The following SLC44A5 variants were observed in gnomAD, a reference collection of about 807,000 sequenced individuals.
The protein encoded by SLC44A5 is choline transporter-like protein 5.
A neutral mutation model predicts 101.8 loss-of-function variants in SLC44A5; 57 were observed. The observed-to-expected ratio is 0.56, with a 90% CI of 0.45 to 0.70. The LOEUF (loss-of-function observed/expected upper bound fraction) is 0.70, where lower values mean the gene tolerates loss of function less well. SLC44A5 is among the 30% of genes least tolerant of loss of function. SLC44A5 has a pLI of 0.00. For missense variants in SLC44A5, 737 were observed against 853.1 expected (o/e 0.86, Z 1.70); for synonymous variants, 281 against 290.9 (o/e 0.97, Z 0.35).
the SLC44A5 span, among the ~76,000 whole-genome samples, chr1:75,716,986 A>G: frequency 6.6e-6 from 1 of 152,050 alleles, no homozygotes; most frequent in Non-Finnish European, 1.5e-5. Flanking sequence ...GTGAGCCGAG[A>G]TCGCGCCACT....
At chr1:75,717,349 A>G in the SLC44A5 span, among the ~76,000 whole-genome samples, 1 of 151,878 alleles carries the variant, frequency 6.6e-6, no homozygotes, top group Non-Finnish European at 1.5e-5. Flanking sequence ...TCAAAAAAAA[A>G]AAAAAGGAAA....
At chr1:75,620,819 A>C in the SLC44A5 span, among the ~76,000 whole-genome samples, 1 of 152,148 alleles carries the variant, frequency 6.6e-6, no homozygotes, top group Non-Finnish European at 1.5e-5. Context: ...TGCTGTGCAG[A>C]AGCCCTTTAG....
intron 2 of SLC44A5, among the ~76,000 whole-genome samples, chr1:75,528,379 G>C (rs1670539323): frequency 6.6e-6 from 1 of 152,146 alleles, no homozygotes; most frequent in Admixed American, 6.6e-5. Flanking sequence ...AAAAAGGATG[G>C]TTTCTTAAAG....
chr1:75,678,542 G>A, the SLC44A5 span, among the ~76,000 whole-genome samples: 956 of 148,668 alleles, frequency 6.4e-3, 16 homozygotes, highest in Admixed American at 0.035. Context: ...CAGACCTGCA[G>A]CTGACGGTCC....
intron 2 of SLC44A5, among the ~76,000 whole-genome samples, chr1:75,476,379 G>C (rs1190417102): frequency 6.6e-6 from 1 of 152,156 alleles, no homozygotes; most frequent in Non-Finnish European, 1.5e-5. Context: ...CATCTCACTA[G>C]GGAGTGCCAG....
chr1:75,207,294 G>A (rs1175078541), intron 23 of SLC44A5, among the ~76,000 whole-genome samples: 1 of 152,048 alleles, frequency 6.6e-6, no homozygotes. Context: ...TTAACTATAA[G>A]GCACCCTGTC....
At chr1:75,306,787 T>C (rs1654942691) in intron 4 of SLC44A5, among the ~76,000 whole-genome samples, 1 of 129,450 alleles carries the variant, frequency 7.7e-6, no homozygotes, top group Admixed American at 9.8e-5. Flanking sequence ...CAGGCGGGAG[T>C]GCAGTGGAGC....
At chr1:75,710,555 C>A in the SLC44A5 span, 2 of 108,472 alleles carry the variant, frequency 1.8e-5, no homozygotes, top group African/African-American at 3.9e-5. Context: ...CAGAGAGAGA[C>A]CCTACCTAAA....
intron 6 of SLC44A5, among the ~76,000 whole-genome samples, chr1:75,258,183 G>C (rs1292736835): frequency 6.6e-6 from 1 of 152,028 alleles, no homozygotes. Flanking sequence ...GAATGCCAGT[G>C]AGACAGAACT....
At chr1:75,356,123 G>A (rs1475132934) in intron 3 of SLC44A5, among the ~76,000 whole-genome samples, 1 of 142,504 alleles carries the variant, frequency 7.0e-6, no homozygotes, top group Non-Finnish European at 1.5e-5. Flanking sequence ...TGAGGCATGA[G>A]AATTGCTTGA....
chr1:75,717,340 CAAAAAAA>C, the SLC44A5 span, among the ~76,000 whole-genome samples: 1 of 97,890 alleles, frequency 1.0e-5, no homozygotes, highest in African/African-American at 3.7e-5. Flanking sequence ...GACCCTGTCT[CAAAAAAA>C]AAAAAAAGGA....
upstream of SLC44A5, among the ~76,000 whole-genome samples, chr1:75,615,098 C>T (rs1021505643): frequency 6.6e-6 from 1 of 152,130 alleles, no homozygotes. Flanking sequence ...TCTTCCTTGT[C>T]CTCCCCGCCA....
intron 1 of SLC44A5, among the ~76,000 whole-genome samples, 171 bp downstream of exon 1, chr1:75,610,869 C>A (rs1341850902): frequency 2.0e-5 from 3 of 151,924 alleles, no homozygotes; most frequent in Non-Finnish European, 4.4e-5. Context: ...TATATACACA[C>A]ACACACACGG....
the SLC44A5 span, among the ~76,000 whole-genome samples, chr1:75,708,745 C>A: frequency 6.6e-6 from 1 of 152,016 alleles, no homozygotes. Context: ...AACCTTTCCT[C>A]CAGAAAAACC....
At chr1:75,304,395 T>C (rs1654753454) in intron 4 of SLC44A5, among the ~76,000 whole-genome samples, 3 of 152,156 alleles carry the variant, frequency 2.0e-5, no homozygotes, top group Admixed American at 2.0e-4. Context: ...TTTCCTCAGA[T>C]ATATTCTCTC....
chr1:75,466,379 G>A (rs540649628), intron 2 of SLC44A5, among the ~76,000 whole-genome samples: 105 of 152,092 alleles, frequency 6.9e-4, no homozygotes, highest in Admixed American at 1.4e-3. Flanking sequence ...CACACTGGCC[G>A]GGTGTGGTGG....
At chr1:75,385,723 T>C (rs369690751) in intron 3 of SLC44A5, among the ~76,000 whole-genome samples, 1 of 152,126 alleles carries the variant, frequency 6.6e-6, no homozygotes, top group African/African-American at 2.4e-5. Flanking sequence ...CCAGCATCAT[T>C]CTGATACCAA....
At chr1:75,479,456 C>G (rs1231874141) in intron 2 of SLC44A5, among the ~76,000 whole-genome samples, 2 of 152,046 alleles carry the variant, frequency 1.3e-5, no homozygotes, top group Non-Finnish European at 2.9e-5. Flanking sequence ...ATTAATGAAT[C>G]CAGGAGCTGG....
At chr1:75,238,096 T>C (rs1012948727) in intron 10 of SLC44A5, among the ~76,000 whole-genome samples, 8 of 151,994 alleles carry the variant, frequency 5.3e-5, no homozygotes, top group Admixed American at 1.3e-4. Flanking sequence ...CTTCTATACC[T>C]GTTGATAATG....
Sources: gnomAD v4.1 joint callset for allele counts (sites outside exome capture counted in the v4.1 genomes callset) on GRCh38, gnomAD v4.1.1 for gene constraint, MANE v1.5 for transcripts, NCBI Gene and HGNC (gene_info 2026-07-23, HGNC 2026-07-21) for gene names.